The following TMEM132D variants were observed in gnomAD, a reference collection of about 807,000 sequenced individuals.
TMEM132D encodes the protein mature OL transmembrane protein.
In TMEM132D, 21 loss-of-function variants were observed where a neutral mutation model predicts 62.3. That is an observed-to-expected ratio of 0.34 (90% CI 0.24 to 0.49). The LOEUF is 0.49. Among genes scored for constraint, TMEM132D ranks in the 20% least tolerant of loss-of-function variants. The pLI is 0.99. For missense variants in TMEM132D, 1,346 were observed against 1,402.8 expected (o/e 0.96, Z 0.65); for synonymous variants, 621 against 575.6 (o/e 1.08, Z -1.13).
rs146393654 is a variant in TMEM132D, at chr12:129,536,746, A to G, written c.969-5541T>C. 1.4e-4 allele frequency among the ~76,000 whole-genome samples: 21 copies of G among 152,336 alleles called. No homozygotes were observed. In the East Asian group the frequency reaches 3.9e-3, roughly 28 times the overall value. On this transcript the variant is annotated intron_variant, in intron 2 of 8. Transcript: ENST00000422113. ...TGCTAAGTCTCCTTACTTTGTGACT[A>G]TTCCACTATAGCCAGTTAAAGACCA...
At chr12:129,418,968 C>T (rs1020606235) in intron 3 of TMEM132D, among the ~76,000 whole-genome samples, 6 of 152,056 alleles carry the variant, frequency 3.9e-5, no homozygotes, top group Admixed American at 1.3e-4. Flanking sequence ...CAAGGGCTGC[C>T]CCACCGCAGC....
rs1290535695 is a variant in TMEM132D at position 129,691,867 on chromosome 12, T to C, written c.968+7943A>G. ...TCTTATAACTAGGATTTAAGATAGA[T>C]GGATTCCTTGAAAGACACAAACTAA... On this transcript the variant is annotated intron_variant, in intron 2 of 8. Transcript: ENST00000422113. Among the ~76,000 whole-genome samples the C allele has an allele frequency of 2.6e-5, 4 of 152,114 alleles. No homozygotes were observed. In the East Asian group the frequency reaches 7.7e-4, roughly 29 times the overall value.
intron 3 of TMEM132D, among the ~76,000 whole-genome samples, chr12:129,517,878 A>T (rs1875728956): frequency 6.6e-6 from 1 of 152,192 alleles, no homozygotes; most frequent in Non-Finnish European, 1.5e-5. Context: ...AGAAAATTCG[A>T]CTTCTAATAC....
At chr12:129,466,279 C>CTTTTTTTTTTTTTTTTTT (rs551019541) in intron 3 of TMEM132D, among the ~76,000 whole-genome samples, 1 of 100,398 alleles carries the variant, frequency 1.0e-5, no homozygotes, top group African/African-American at 3.8e-5. Flanking sequence ...TAGATTTTTC[C>CTTTTTTTTTTTTTTTTTT]TTTTTTTTTT....
chr12:129,117,279 G>A (rs923886185), intron 5 of TMEM132D, among the ~76,000 whole-genome samples: 1 of 152,034 alleles, frequency 6.6e-6, no homozygotes, highest in African/African-American at 2.4e-5. Context: ...GGGGAGGAGG[G>A]GGGAGGAATG....
intron 2 of TMEM132D, among the ~76,000 whole-genome samples, chr12:129,575,619 A>G (rs155367): frequency 0.36 from 55,356 of 151,724 alleles, 10,455 homozygotes; most frequent in East Asian, 0.43. Flanking sequence ...GCTACCAAGG[A>G]GAAACGCGGG....
chr12:129,102,329 C>T (rs1259714554), intron 5 of TMEM132D, among the ~76,000 whole-genome samples: 2 of 151,584 alleles, frequency 1.3e-5, no homozygotes, highest in African/African-American at 4.9e-5. Context: ...TACACACTTA[C>T]ACATGCACAC....
intron 2 of TMEM132D, among the ~76,000 whole-genome samples, chr12:129,638,861 C>G (rs1316681963): frequency 6.6e-6 from 1 of 152,074 alleles, no homozygotes; most frequent in Non-Finnish European, 1.5e-5. Flanking sequence ...GGCCACATTG[C>G]TTTCCCACTT....
At chr12:129,366,216 T>C (rs1167160804) in intron 3 of TMEM132D, among the ~76,000 whole-genome samples, 7 of 152,170 alleles carry the variant, frequency 4.6e-5, no homozygotes, top group Non-Finnish European at 8.8e-5. Flanking sequence ...TTGGTCTGTG[T>C]CCCCGCCCAA....
At chr12:129,413,377 T>C (rs1872025797) in intron 3 of TMEM132D, among the ~76,000 whole-genome samples, 1 of 152,224 alleles carries the variant, frequency 6.6e-6, no homozygotes, top group Non-Finnish European at 1.5e-5. Flanking sequence ...CCTTCTGCTA[T>C]GATTGTGAGA....
intron 1 of TMEM132D, among the ~76,000 whole-genome samples, chr12:129,841,403 A>C (rs1192085462): frequency 6.6e-6 from 1 of 152,184 alleles, no homozygotes; most frequent in Non-Finnish European, 1.5e-5. Flanking sequence ...TATTTCATTC[A>C]TTCGGGGCTG....
At chr12:129,703,463 TTC>T (rs1214379280) in intron 1 of TMEM132D, among the ~76,000 whole-genome samples, 13 of 24,650 alleles carry the variant, frequency 5.3e-4, no homozygotes, top group Non-Finnish European at 1.6e-3. Context: ...GTCACTTCCT[TTC>T]TTTTTTTTTT....
chr12:129,454,832 A>G (rs1873414830), intron 3 of TMEM132D, among the ~76,000 whole-genome samples: 1 of 152,180 alleles, frequency 6.6e-6, no homozygotes, highest in Admixed American at 6.5e-5. Flanking sequence ...ATTACAATCC[A>G]AGATGGCAGG....
Position 129,688,468 on chromosome 12 carries a change from C to A in TMEM132D, c.968+11342G>T, listed in dbSNP as rs537919072. Among the ~76,000 whole-genome samples, 15 of 152,260 alleles carry A rather than the reference C, an allele frequency of 9.9e-5. No homozygotes were observed. The South Asian group carries it at 3.1e-3, about 32-fold the overall frequency. The stretch of plus-strand genomic sequence containing the variant: ...GCTATTGAAAACAACTACCTCAGTG[C>A]ATCTCAGTTCCTGAGCTCCTCTCAT... On this transcript the variant is annotated intron_variant, in intron 2 of 8. Transcript: ENST00000422113.
At chr12:129,309,703 T>C (rs958621242) in intron 4 of TMEM132D, among the ~76,000 whole-genome samples, 9 of 152,062 alleles carry the variant, frequency 5.9e-5, no homozygotes, top group Admixed American at 1.3e-4. Flanking sequence ...AGGTGTCGTA[T>C]AGATAGAAAA....
Position 129,629,009 on chromosome 12 carries a change from C to T in TMEM132D, c.968+70801G>A, listed in dbSNP as rs541049258. On this transcript the variant is annotated intron_variant, in intron 2 of 8. Transcript: ENST00000422113. ...TCTGCCCCTCTGTCTCTCTCTCTCT[C>T]CATCTTTACCTGGTTCTCTCCCTCT... Among the ~76,000 whole-genome samples, 4 of 151,902 alleles carry T rather than the reference C, an allele frequency of 2.6e-5. No individual in the cohort carries two copies. In the South Asian group the frequency reaches 6.3e-4, roughly 24 times the overall value.
At chr12:129,666,953 C>CA (rs1880391800) in intron 2 of TMEM132D, among the ~76,000 whole-genome samples, 1 of 151,786 alleles carries the variant, frequency 6.6e-6, no homozygotes, top group Non-Finnish European at 1.5e-5. Flanking sequence ...AGTAACGGGA[C>CA]AAAACTGAAG....
chr12:129,167,250 A>G (rs1194113470), intron 5 of TMEM132D, among the ~76,000 whole-genome samples: 1 of 151,926 alleles, frequency 6.6e-6, no homozygotes, highest in Non-Finnish European at 1.5e-5. Context: ...GAATGCTGAG[A>G]CGAGGAGGCC....
intron 5 of TMEM132D, among the ~76,000 whole-genome samples, chr12:129,190,880 C>T (rs1878378037): frequency 6.6e-6 from 1 of 152,134 alleles, no homozygotes; most frequent in Non-Finnish European, 1.5e-5. Flanking sequence ...TGGAGCAGCC[C>T]AGAGCTCTTG....
Sources: allele counts gnomAD v4.1 joint callset (sites outside exome capture counted in the v4.1 genomes callset), GRCh38; gene constraint gnomAD v4.1.1; transcripts MANE v1.5; gene names NCBI Gene and HGNC (gene_info 2026-07-23, HGNC 2026-07-21).